HMG20A: variants seen among roughly 807,000 people sequenced by gnomAD.
HMG20A encodes the protein high mobility group protein 20A.
In HMG20A, 17 loss-of-function variants were observed where a neutral mutation model predicts 43.9. The ratio of observed to expected loss-of-function variants is 0.39; its 90% CI spans 0.27 to 0.58. The LOEUF is 0.58. HMG20A is among the 20% of genes least tolerant of loss of function. HMG20A has a pLI of 0.59. For synonymous variants in HMG20A, 132 were observed against 147.5 expected (o/e 0.89, Z 0.76); for missense variants, 341 against 438.2 (o/e 0.78, Z 1.98).
chr15:77,518,421 ACTCCACGAACATGCCC>A, the HMG20A span, among the ~76,000 whole-genome samples: 9 of 151,872 alleles, frequency 5.9e-5, no homozygotes, highest in Non-Finnish European at 1.3e-4. Flanking sequence ...TCATTCATTC[ACTCCACGAACATGCCC>A]CAGGTCCCCA....
intron 3 of HMG20A, among the ~76,000 whole-genome samples, chr15:77,465,920 A>G (rs1387441349): frequency 6.6e-6 from 1 of 152,194 alleles, no homozygotes; most frequent in Non-Finnish European, 1.5e-5. Context: ...TAAAATTATG[A>G]AGTAAAAATA....
At chr15:77,436,522 G>T (rs898762002) in intron 1 of HMG20A, among the ~76,000 whole-genome samples, 1 of 151,258 alleles carries the variant, frequency 6.6e-6, no homozygotes, top group Admixed American at 6.6e-5. Context: ...GCAGTGGCAT[G>T]TTCTCGGCTC....
chr15:77,432,889 T>C (rs982495197), intron 1 of HMG20A, among the ~76,000 whole-genome samples: 1 of 152,048 alleles, frequency 6.6e-6, no homozygotes, highest in African/African-American at 2.4e-5. Flanking sequence ...AAAATTTCTT[T>C]ACAGATTCTA....
At chr15:77,465,297 A>T (rs971049615) in intron 3 of HMG20A, among the ~76,000 whole-genome samples, 2 of 150,372 alleles carry the variant, frequency 1.3e-5, no homozygotes, top group Non-Finnish European at 3.0e-5. Context: ...AAAGAAAAAA[A>T]CAACTAATTT....
At chr15:77,447,341 C>A (rs2073685098) in intron 1 of HMG20A, among the ~76,000 whole-genome samples, 1 of 152,126 alleles carries the variant, frequency 6.6e-6, no homozygotes, top group South Asian at 2.1e-4. Context: ...TTTATTTTCC[C>A]TGCGTTATCA....
chr15:77,498,569 T>A, the HMG20A span, among the ~76,000 whole-genome samples: 4 of 152,278 alleles, frequency 2.6e-5, no homozygotes, highest in Admixed American at 6.5e-5. Context: ...CCGAAGAAGT[T>A]CTGCATGCCG....
intron 6 of HMG20A, among the ~76,000 whole-genome samples, chr15:77,476,870 T>G (rs2072861476): frequency 6.6e-6 from 1 of 152,212 alleles, no homozygotes. Flanking sequence ...AATGGCTTAT[T>G]GGTGAATTAA....
chr15:77,461,841 C>A (rs2072707914), intron 2 of HMG20A, among the ~76,000 whole-genome samples: 1 of 152,080 alleles, frequency 6.6e-6, no homozygotes, highest in Non-Finnish European at 1.5e-5. Flanking sequence ...ATGAAAATGA[C>A]AGTGAAAGAA....
At chr15:77,443,367 G>GATT (rs1491508412) in intron 1 of HMG20A, among the ~76,000 whole-genome samples, 106 of 125,976 alleles carry the variant, frequency 8.4e-4, no homozygotes, top group South Asian at 4.6e-3. Flanking sequence ...TGATGATGAT[G>GATT]ATGATGATGA....
intron 2 of HMG20A, 38 bp downstream of exon 2, chr15:77,458,534 G>A (rs1376394544): frequency 1.5e-6 from 2 of 1,361,478 alleles, no homozygotes; most frequent in African/African-American, 1.4e-5. Flanking sequence ...TTCTCCATAG[G>A]CCTCAAAACA....
At chr15:77,495,376 T>C in the HMG20A span, among the ~76,000 whole-genome samples, 1 of 152,078 alleles carries the variant, frequency 6.6e-6, no homozygotes, top group Non-Finnish European at 1.5e-5. Context: ...AGTGAAATCC[T>C]GTCTCTACTA....
At chr15:77,439,721 A>T (rs1258241062) in intron 1 of HMG20A, among the ~76,000 whole-genome samples, 1 of 152,152 alleles carries the variant, frequency 6.6e-6, no homozygotes, top group East Asian at 1.9e-4. Flanking sequence ...TGTTGGTTAT[A>T]TACACTCATT....
At chr15:77,464,733 A>C in intron 3 of HMG20A, 1 of 185,344 alleles carries the variant, frequency 5.4e-6, no homozygotes. Context: ...GCCCTGCTGC[A>C]TGGAGCCCTA....
At chr15:77,516,549 C>T in the HMG20A span, among the ~76,000 whole-genome samples, 1 of 152,100 alleles carries the variant, frequency 6.6e-6, no homozygotes, top group African/African-American at 2.4e-5. Flanking sequence ...ACCACCCCAC[C>T]ATGTGTGTCC....
chr15:77,509,644 G>A, the HMG20A span, among the ~76,000 whole-genome samples: 7 of 150,184 alleles, frequency 4.7e-5, no homozygotes, highest in Non-Finnish European at 1.5e-5. Context: ...AGTGGCTGAT[G>A]CCTGTAATCC....
At chr15:77,443,379 G>GATGATGATTATTATTATT (rs576920554) in intron 1 of HMG20A, among the ~76,000 whole-genome samples, 230 of 131,310 alleles carry the variant, frequency 1.8e-3, no homozygotes, top group African/African-American at 5.2e-3. Context: ...TGATGATGAT[G>GATGATGATTATTATTATT]ATTATTATTA....
chr15:77,434,720 C>A (rs570416313), intron 1 of HMG20A, among the ~76,000 whole-genome samples: 14 of 152,146 alleles, frequency 9.2e-5, no homozygotes, highest in African/African-American at 3.1e-4. Flanking sequence ...ACTGAAATGG[C>A]TAAAATTAAA....
At chr15:77,478,531 A>G (rs755638934) in intron 8 of HMG20A, 21 bp downstream of exon 8, 1 of 1,589,204 alleles carries the variant, frequency 6.3e-7, no homozygotes, top group South Asian at 1.1e-5. Flanking sequence ...CTGCCTGAGA[A>G]CTGTCAGTGA....
chr15:77,431,808 C>T (rs1441050200), intron 1 of HMG20A, among the ~76,000 whole-genome samples: 1 of 151,740 alleles, frequency 6.6e-6, no homozygotes, highest in African/African-American at 2.4e-5. Context: ...CCCCACCCCA[C>T]CCCTGGTAAC....
Sources: gnomAD v4.1 joint callset for allele counts (sites outside exome capture counted in the v4.1 genomes callset) on GRCh38, gnomAD v4.1.1 for gene constraint, MANE v1.5 for transcripts, NCBI Gene and HGNC (gene_info 2026-07-23, HGNC 2026-07-21) for gene names.